CNTD1: variants seen among roughly 807,000 people sequenced by gnomAD.
CNTD1 encodes the protein cyclin N-terminal domain containing 1.
A neutral mutation model predicts 36.3 loss-of-function variants in CNTD1; 17 were observed. The ratio of observed to expected loss-of-function variants is 0.47; its 90% confidence interval spans 0.32 to 0.70. CNTD1 has a LOEUF of 0.70. Among genes scored for constraint, CNTD1 ranks in the 30% least tolerant of loss-of-function variants. The pLI is 0.03. For synonymous variants in CNTD1, 128 were observed against 153.3 expected, an observed-to-expected ratio of 0.83 and a Z score of 1.22; for missense variants, 338 against 386.1, an observed-to-expected ratio of 0.88 and a Z score of 1.04.
chr17:42,807,410 G>A (rs554991719), intron 5 of CNTD1, among the ~76,000 whole-genome samples: 20 of 151,670 alleles, frequency 1.3e-4, no homozygotes, highest in African/African-American at 1.7e-4. Context: ...GAGAGACTCC[G>A]TCTCAGAAAA....
chr17:42,803,188 G>A lies in CNTD1; in HGVS notation c.170-432G>A, dbSNP rs111762469. On this transcript the variant is annotated intron_variant, in intron 1 of 6. Transcript: ENST00000588408. ...GTCATAAAGAATATCAAAGCTCCAGGAGGGATCTTTCTGTTCCTGCCAACA... is the reference window on the plus strand; with the variant it reads ...GTCATAAAGAATATCAAAGCTCCAGAAGGGATCTTTCTGTTCCTGCCAACA... Among the ~76,000 whole-genome samples the A allele has an allele frequency of 4.5e-3, 693 of 152,336 alleles. 2 individuals carry two copies. The highest frequency in any genetic ancestry group is 8.2e-3 in the Non-Finnish European group (557 of 68,036).
At chr17:42,800,090 A>G (rs9894207) in intron 1 of CNTD1, among the ~76,000 whole-genome samples, 1,484 of 146,920 alleles carry the variant, frequency 0.01, 45 homozygotes, top group African/African-American at 0.037. Context: ...AAAAAAAAAA[A>G]GAGAAAAGAA....
intron 1 of CNTD1, among the ~76,000 whole-genome samples, chr17:42,800,501 T>C (rs1051651259): frequency 6.6e-6 from 1 of 152,174 alleles, no homozygotes; most frequent in Admixed American, 6.5e-5. Flanking sequence ...AGACATTCCA[T>C]GTGGAAGTTT....
chr17:42,806,302 G>C (rs1245272545), intron 4 of CNTD1, among the ~76,000 whole-genome samples: 1 of 152,038 alleles, frequency 6.6e-6, no homozygotes, highest in East Asian at 1.9e-4. Flanking sequence ...TAGGAAGCTT[G>C]ATGGTGTCTC....
chr17:42,800,635 A>G (rs2054763969), intron 1 of CNTD1, among the ~76,000 whole-genome samples: 1 of 152,156 alleles, frequency 6.6e-6, no homozygotes, highest in African/African-American at 2.4e-5. Context: ...CTTAGTAAAC[A>G]TTATTTTGGC....
At chr17:42,802,894 CAG>C (rs1160490424) in intron 1 of CNTD1, among the ~76,000 whole-genome samples, 1 of 152,136 alleles carries the variant, frequency 6.6e-6, no homozygotes, top group African/African-American at 2.4e-5. Flanking sequence ...CAAAGAGAAA[CAG>C]AGGCAGGCTA....
Position 42,806,758 on chromosome 17 carries a change from C to A in CNTD1, c.665C>A (p.Pro222His), listed in dbSNP as rs199570963. 443 of 1,613,992 alleles carry A rather than the reference C, an allele frequency of 2.7e-4. No individual in the cohort carries two copies. The highest frequency in any genetic ancestry group is 3.7e-4 in the Non-Finnish European group (432 of 1,180,022). ...GACCTGGTCTATCTTCTGCATGAAC[C>A]CATATATGAGAGCCTGTTGAGGGCT... ...LLDLVYLLHE[P>H]IYESLLRASI... Residue 222 changes from proline to histidine, a missense_variant, in exon 5 of 7, where the codon CCC (proline) becomes CAC (histidine). By Grantham distance (77) the Pro-to-His change is moderately conservative. Transcript: ENST00000588408.
At chr17:42,806,564 T>C (rs2054882208) in intron 4 of CNTD1, 110 bp from the exon 5 acceptor site, 6 of 1,128,218 alleles carry the variant, frequency 5.3e-6, no homozygotes, top group South Asian at 4.2e-5. Context: ...TAGTAGAACA[T>C]AGCAACCAGG....
At position 42,809,544 on chromosome 17, in the gene CNTD1, G is replaced by A; in HGVS notation, c.*9G>A. ...CTTCCTCTAACACATGAGGGAGGCT[G>A]AATCCACCAAATATAAACAGCCATC... On this transcript the variant is annotated 3_prime_UTR_variant, in exon 7 of 7. Transcript: ENST00000588408. 1 of 1,612,886 alleles carries A rather than the reference G, an allele frequency of 6.2e-7. No individual in the cohort carries two copies. The highest frequency in any genetic ancestry group is 8.5e-7 in the Non-Finnish European group (1 of 1,179,146).
At chr17:42,809,068 A>G (rs1188417361) in intron 6 of CNTD1, among the ~76,000 whole-genome samples, 2 of 152,214 alleles carry the variant, frequency 1.3e-5, no homozygotes, top group Admixed American at 6.5e-5. Context: ...AAAACAAAAC[A>G]AAGTCCAACA....
chr17:42,798,992 A>C lies in CNTD1; in HGVS notation c.-76A>C. 4 of 1,548,428 alleles carry C rather than the reference A, an allele frequency of 2.6e-6. No homozygotes were observed. The highest frequency in any genetic ancestry group is 3.5e-6 in the Non-Finnish European group (4 of 1,149,088). On this transcript the variant is annotated 5_prime_UTR_variant, in exon 1 of 7. Transcript: ENST00000588408. ...GGACGAGGAATCCAGGGTGTGGCAG[A>C]AGACTGGAGAGGAGCTAAGGGGGTC...
In CNTD1 at chr17:42,810,831, C is replaced by T. The variant is rs1215084407; in HGVS notation, c.*1296C>T. 3.7e-6 allele frequency: 6 copies of T among 1,613,626 alleles called. No homozygotes were observed. Among genetic ancestry groups the T allele is most frequent in the Non-Finnish European group, 5.1e-6 (6 of 1,179,794 alleles). Reference sequence around the variant, plus strand: ...AGATTCGTCAGCATGAACTTGAGAGCTTTTGTCCACTGCTCCTCAGAGTTA... The same window carrying T: ...AGATTCGTCAGCATGAACTTGAGAGTTTTTGTCCACTGCTCCTCAGAGTTA... On this transcript the variant is annotated 3_prime_UTR_variant, in exon 7 of 7. Coordinates refer to ENST00000588408, the MANE Select transcript of CNTD1 (RefSeq NM_173478.3).
chr17:42,806,241 A>AAAAAAAAG (rs1438767863), intron 4 of CNTD1, among the ~76,000 whole-genome samples: 1 of 151,620 alleles, frequency 6.6e-6, no homozygotes, highest in African/African-American at 2.4e-5. Context: ...AAAAAAAAAA[A>AAAAAAAAG]TGTGCACAGG....
chr17:42,811,043 G>A lies in CNTD1; in HGVS notation c.*1508G>A, dbSNP rs1264869450. ...CATTTTATCTATTAAAGAACACTTG[G>A]TGAGGAATGATAGTGTATTTTGGAT... On this transcript the variant is annotated 3_prime_UTR_variant, in exon 7 of 7. Transcript: ENST00000588408. The A allele has an allele frequency of 2.7e-6, 3 of 1,109,480 alleles. No individual in the cohort carries two copies. Among genetic ancestry groups the A allele is most frequent in the Non-Finnish European group, 3.7e-6 (3 of 808,818 alleles). 68.7% of individuals were successfully genotyped at this position (1,109,480 alleles called of 1,614,324 possible). A position where few individuals can be genotyped will look rare whatever the true frequency, so the allele number is the denominator to read the frequency against.
At position 42,809,380 on chromosome 17, in the gene CNTD1, C is replaced by G. The variant is rs1180863620; in HGVS notation, c.838C>G (p.Gln280Glu). Reference sequence around the variant, plus strand: ...ATTTCTGAAGGTTGTGGGGCATTTGCAGAGCATCACTGGTATTGCCTTGGC... The same window carrying G: ...ATTTCTGAAGGTTGTGGGGCATTTGGAGAGCATCACTGGTATTGCCTTGGC... ...ECWSQVVGHLQSITGIALASI... is the reference protein window; with the variant it reads ...ECWSQVVGHLESITGIALASI... Residue 280 changes from glutamine to glutamate, a missense_variant, in exon 7 of 7, where the codon CAG (glutamine) becomes GAG (glutamate). Gln to Glu is a conservative substitution (Grantham distance 29). Coordinates refer to ENST00000588408, the MANE Select transcript of CNTD1 (RefSeq NM_173478.3). The G allele has an allele frequency of 1.2e-6, 2 of 1,611,714 alleles. No homozygotes were observed. The highest frequency in any genetic ancestry group is 2.2e-5 in the East Asian group (1 of 44,774).
rs2054884471 is a variant in CNTD1, at chr17:42,806,699, C to G, written c.606C>G (p.Ala202=). The G allele has an allele frequency of 1.2e-6, 2 of 1,614,118 alleles. No individual in the cohort carries two copies. The highest frequency in any genetic ancestry group is 1.7e-6 in the Non-Finnish European group (2 of 1,179,990). ...VLGYNGCLVP[A]MRLHATCLTL... Reference sequence around the variant, plus strand: ...GATACAATGGCTGTTTGGTTCCAGCCATGAGGCTGCATGCAACCTGCCTGA... The same window carrying G: ...GATACAATGGCTGTTTGGTTCCAGCGATGAGGCTGCATGCAACCTGCCTGA... The change falls in exon 5 of 7, where the codon GCC becomes GCG. Residue 202 remains alanine (A), a synonymous_variant. Coordinates refer to ENST00000588408, the MANE Select transcript of CNTD1 (RefSeq NM_173478.3).
At chr17:42,801,551 T>TATA (rs2054795651) in intron 1 of CNTD1, among the ~76,000 whole-genome samples, 1 of 77,992 alleles carries the variant, frequency 1.3e-5, no homozygotes, top group Non-Finnish European at 2.6e-5. Context: ...ATATATAATA[T>TATA]ATGTGTGTGT....
chr17:42,798,788 G>T, upstream of CNTD1: 1 of 1,465,082 alleles, frequency 6.8e-7, no homozygotes, highest in Non-Finnish European at 9.0e-7. Flanking sequence ...GCCCTTTGCG[G>T]GGCAGAGCCG....
In CNTD1 at chr17:42,807,855, T is replaced by C. The variant is rs1401822930; in HGVS notation, c.813T>C (p.Cys271=). 1.2e-6 allele frequency: 2 copies of C among 1,612,136 alleles called. No homozygotes were observed. Among genetic ancestry groups the C allele is most frequent in the African/African-American group, 1.3e-5 (1 of 74,880 alleles). The change falls in exon 6 of 7, where the codon TGT becomes TGC. Residue 271 remains cysteine, a synonymous_variant. Transcript: ENST00000588408. ...AASAFIQNHE[C]WSQVVGHLQS... ...GTGCTTTCATCCAAAACCATGAGTGTTGGAGCCAGGTATGCACCACTGAGC... is the reference window on the plus strand; with the variant it reads ...GTGCTTTCATCCAAAACCATGAGTGCTGGAGCCAGGTATGCACCACTGAGC...
Sources: gnomAD v4.1 joint callset for allele counts (sites outside exome capture counted in the v4.1 genomes callset) on GRCh38, gnomAD v4.1.1 for gene constraint, MANE v1.5 for transcripts, NCBI Gene and HGNC (gene_info 2026-07-23, HGNC 2026-07-21) for gene names.